The following CROCC variants were observed in gnomAD, a reference collection of about 807,000 sequenced individuals.
The protein encoded by CROCC is ciliary rootlet coiled-coil, rootletin.
A neutral mutation model predicts 245.2 loss-of-function variants in CROCC; 180 were observed. That is an observed-to-expected ratio of 0.73 (90% confidence interval 0.65 to 0.83). The LOEUF (loss-of-function observed/expected upper bound fraction) is 0.83, where lower values mean the gene tolerates loss of function less well. Ranked by LOEUF, CROCC falls within the 40% of genes least tolerant of loss-of-function variation. The probability of loss-of-function intolerance (pLI) is 0.00; values close to 1 mark genes in which losing one functional copy is unlikely to be tolerated. For synonymous variants in CROCC, 1,205 were observed against 1,241.6 expected (o/e 0.97, Z 0.62); for missense variants, 2,688 against 2,779.4 (o/e 0.97, Z 0.74).
At chr1:16,939,332 G>A (rs1434129863) in intron 12 of CROCC, among the ~76,000 whole-genome samples, 190 bp downstream of exon 12, 2 of 152,260 alleles carry the variant, frequency 1.3e-5, no homozygotes, top group Non-Finnish European at 2.9e-5. Flanking sequence ...GGAGGTGGCC[G>A]AGAGCTCTGC....
chr1:16,929,953 C>A lies in CROCC; in HGVS notation c.459C>A (p.Ala153=), dbSNP rs1277118494. The A allele has an allele frequency of 1.3e-6, 2 of 1,585,648 alleles. No homozygotes were observed. Among genetic ancestry groups the A allele is most frequent in the Non-Finnish European group, 1.7e-6 (2 of 1,169,240 alleles). The change falls in exon 4 of 37, where the codon GCC becomes GCA. Residue 153 remains alanine, a synonymous_variant. Transcript: ENST00000375541. ...GGAGGCAGCTGCAGGAGGAGCAGGCCTCCTACCGGCGCAAGCTGCAGGCCT... is the reference window on the plus strand; with the variant it reads ...GGAGGCAGCTGCAGGAGGAGCAGGCATCCTACCGGCGCAAGCTGCAGGCCT... The part of the protein sequence containing the change: ...ELRRQLQEEQ[A]SYRRKLQAYQ...
chr1:16,928,672 G>A (rs370758093), intron 3 of CROCC, among the ~76,000 whole-genome samples: 15 of 151,980 alleles, frequency 9.9e-5, no homozygotes, highest in African/African-American at 3.1e-4. Context: ...GTGTGGTGGC[G>A]TGCACCTGTA....
intron 8 of CROCC, among the ~76,000 whole-genome samples, chr1:16,935,297 T>C (rs1395046745): frequency 8.5e-5 from 13 of 152,272 alleles, no homozygotes; most frequent in Admixed American, 8.5e-4. Flanking sequence ...GCACACTTTT[T>C]TGCATATACG....
chr1:16,958,418 C>T (rs1429119976), intron 25 of CROCC, among the ~76,000 whole-genome samples, 165 bp from the exon 26 acceptor site: 1 of 152,214 alleles, frequency 6.6e-6, no homozygotes, highest in East Asian at 1.9e-4. Context: ...AAGTGCCTGG[C>T]ATCGCCCAAG....
chr1:16,966,178 G>C lies in CROCC; in HGVS notation c.4696+59G>C, dbSNP rs1557641381. 4 of 1,560,586 alleles carry C rather than the reference G, an allele frequency of 2.6e-6. No individual in the cohort carries two copies. The highest frequency in any genetic ancestry group is 2.3e-5 in the East Asian group (1 of 44,158). On this transcript the variant is annotated intron_variant, in intron 29 of 36. Coordinates refer to ENST00000375541, the MANE Select transcript of CROCC (RefSeq NM_014675.5). The surrounding 1 kb of genome is among the most constrained non-coding windows in gnomAD (Gnocchi z 4.8). ...CCTGTGTTTTGGGCAGTTGAGGCAG[G>C]AGCCGGGGGATTGGCCTCTGACCTT...
At position 16,969,848 on chromosome 1, in the gene CROCC, G is replaced by T; in HGVS notation, c.5365G>T (p.Glu1789Ter). 2 of 1,613,116 alleles carry T rather than the reference G, an allele frequency of 1.2e-6. No homozygotes were observed. Among genetic ancestry groups the T allele is most frequent in the Non-Finnish European group, 1.7e-6 (2 of 1,179,634 alleles). Residue 1789 changes from glutamate to a stop codon, truncating the protein, a stop_gained, in exon 33 of 37, where the codon GAG becomes TAG. Transcript: ENST00000375541. LOFTEE classifies it high-confidence loss of function. ...ACGGAAGCAGAGCAGCTCCCTGGGC[G>T]AGCAGGTGCAGACGTTGCGAGGCGA... ...EARKQSSSLG[E>*]QVQTLRGEVA...
rs775205735 is a variant in CROCC at position 16,930,605 on chromosome 1, G to A, written c.849+11G>A. 4 of 1,603,138 alleles carry A rather than the reference G, an allele frequency of 2.5e-6. No homozygotes were observed. Among genetic ancestry groups the A allele is most frequent in the Non-Finnish European group, 2.6e-6 (3 of 1,175,446 alleles). ...AGGCGCGAGGAGGAGGTGGGCATGG[G>A]GGTGCAGGGAGGCCAGCCTGACCCA... On this transcript the variant is annotated intron_variant, in intron 7 of 36. Coordinates refer to ENST00000375541, the MANE Select transcript of CROCC (RefSeq NM_014675.5).
At chr1:16,928,418 G>T (rs1485328056) in intron 3 of CROCC, among the ~76,000 whole-genome samples, 108 of 152,274 alleles carry the variant, frequency 7.1e-4, no homozygotes, top group African/African-American at 2.4e-3. Flanking sequence ...GTCTGAGGAT[G>T]TGCGGGATGG....
At position 16,922,641 on chromosome 1, in the gene CROCC, G is replaced by T. The variant is rs370081787; in HGVS notation, c.61-22G>T. On this transcript the variant is annotated intron_variant, in intron 1 of 36. Transcript: ENST00000375541. The stretch of plus-strand genomic sequence containing the variant: ...AGCCCCGGGTCCCATGTCCCCTGAA[G>T]ACCCTCTCGCTTTTCCCACAGACAC... 3,451 of 1,586,578 alleles carry T rather than the reference G, an allele frequency of 2.2e-3. 32 individuals carry two copies. The South Asian group carries it at 0.037, about 17-fold the overall frequency.
At chr1:16,929,646 CTGCGTGCCCGTGCA>C (rs1289709491) in intron 3 of CROCC, among the ~76,000 whole-genome samples, 186 bp from the exon 4 acceptor site, 2 of 152,282 alleles carry the variant, frequency 1.3e-5, no homozygotes, top group African/African-American at 4.8e-5. Context: ...CATGCCCCGT[CTGCGTGCCCGTGCA>C]TGGCTGCATC....
Position 16,972,691 on chromosome 1 carries a change from C to T in CROCC, c.*245C>T, listed in dbSNP as rs544648466. ...CCACTGTAGATCATTAAAGTTCCTC[C>T]TTGAGAGGCTGAGCCGTAGCCAGGA... is the stretch of plus-strand genomic sequence containing the variant. On this transcript the variant is annotated 3_prime_UTR_variant, in exon 37 of 37. Coordinates refer to ENST00000375541, the MANE Select transcript of CROCC (RefSeq NM_014675.5). The T allele has an allele frequency of 1.7e-4, 60 of 363,506 alleles. 1 individual carries two copies. The South Asian group carries it at 2.4e-3, about 15-fold the overall frequency. The allele number at this position is 363,506 out of a possible 1,614,324, so 22.5% of individuals were successfully genotyped here.
At chr1:16,919,015 A>G (rs535077815), upstream of CROCC, among the ~76,000 whole-genome samples, 2 of 152,418 alleles carry the variant, frequency 1.3e-5, no homozygotes, top group African/African-American at 2.4e-5. Context: ...GATTACAGGC[A>G]TGAGCCACTG....
chr1:16,947,239 G>A (rs1461432581), intron 17 of CROCC, among the ~76,000 whole-genome samples: 90 of 152,360 alleles, frequency 5.9e-4, no homozygotes, highest in African/African-American at 2.1e-3. Flanking sequence ...CACTTTGGGA[G>A]GCCGAGGCGG....
intron 32 of CROCC, among the ~76,000 whole-genome samples, 163 bp downstream of exon 32, chr1:16,969,503 C>T (rs1422537921): frequency 6.6e-6 from 1 of 152,138 alleles, no homozygotes; most frequent in Non-Finnish European, 1.5e-5. Context: ...AGACCATCAG[C>T]CAAGGAGAAG....
chr1:16,927,105 A>T (rs1464581783), intron 3 of CROCC, among the ~76,000 whole-genome samples: 5 of 151,978 alleles, frequency 3.3e-5, no homozygotes, highest in African/African-American at 1.2e-4. Context: ...ACTGGGCCCC[A>T]CACAGACACA....
rs181280910 is a variant in CROCC at position 16,936,712 on chromosome 1, G to C, written c.1032G>C (p.Thr344=). The change falls in exon 9 of 37, where the codon ACG becomes ACC. Residue 344 remains threonine, a synonymous_variant. Coordinates refer to ENST00000375541, the MANE Select transcript of CROCC (RefSeq NM_014675.5). ...AVQEAGLGLS[T]GLRLAESRAE... is the part of the protein sequence containing the mutation. Reference sequence around the variant, plus strand: ...AGGAGGCGGGCCTGGGACTGAGCACGGGCCTACGGCTGGCAGAGAGCCGGG... The same window carrying C: ...AGGAGGCGGGCCTGGGACTGAGCACCGGCCTACGGCTGGCAGAGAGCCGGG... 6.8e-6 allele frequency: 11 copies of C among 1,606,492 alleles called. No individual in the cohort carries two copies. The highest frequency in any genetic ancestry group is 8.5e-6 in the Non-Finnish European group (10 of 1,177,360).
chr1:16,946,652 C>G, intron 16 of CROCC, 109 bp from the exon 17 acceptor site: 10 of 1,254,580 alleles, frequency 8.0e-6, no homozygotes, highest in South Asian at 1.5e-5. Flanking sequence ...GTCCCTCATT[C>G]CCTGGGAGCC....
chr1:16,946,469 C>G, intron 16 of CROCC, 64 bp downstream of exon 16: 1 of 1,576,312 alleles, frequency 6.3e-7, no homozygotes, highest in East Asian at 2.2e-5. Context: ...AGTGAGGCAC[C>G]CCGGGCCCAG....
chr1:16,970,420 G>C lies in CROCC; in HGVS notation c.5619G>C (p.Lys1873Asn). 1 of 1,603,270 alleles carries C rather than the reference G, an allele frequency of 6.2e-7. No homozygotes were observed. The highest frequency in any genetic ancestry group is 8.5e-7 in the Non-Finnish European group (1 of 1,174,942). The change falls in exon 34 of 37, where the codon AAG becomes AAC. Residue 1873 changes from lysine (K) to asparagine (N), a missense_variant. This residue lies in a region of CROCC where 1,218 missense variants were observed against 1,286.3 expected (regional missense o/e 0.95). Transcript: ENST00000375541. ...EVERSALRLE[K>N]DRVALRRTLD... ...AGCGCTCAGCCCTGCGGCTGGAGAA[G>C]GACCGTGTAGCCCTCAGGAGGACGC... is the stretch of plus-strand genomic sequence containing the variant.
Sources: gnomAD v4.1 joint callset for allele counts (sites outside exome capture counted in the v4.1 genomes callset) on GRCh38, gnomAD v4.1.1 for gene constraint, gnomAD v4.1.1 regional missense constraint, Gnocchi (gnomAD v3.1) non-coding constraint, MANE v1.5 for transcripts, NCBI Gene and HGNC (gene_info 2026-07-23, HGNC 2026-07-21) for gene names.